The following NCKAP5 variants were observed in gnomAD, a reference collection of about 807,000 sequenced individuals.
The protein encoded by NCKAP5 is nck-associated protein 5.
Under a neutral mutation model 167.0 loss-of-function variants are expected in NCKAP5, and 92 were observed. The observed-to-expected ratio is 0.55, with a 90% confidence interval of 0.47 to 0.66. NCKAP5 has a LOEUF of 0.66. NCKAP5 is among the 30% of genes least tolerant of loss of function. The pLI, the probability that NCKAP5 is intolerant of heterozygous loss-of-function variation, is 0.00. For missense variants in NCKAP5, 2,378 were observed against 2,315.0 expected (o/e 1.03, Z -0.56); for synonymous variants, 891 against 877.4 (o/e 1.02, Z -0.27).
At chr2:133,164,816 A>G (rs1255900538) in intron 5 of NCKAP5, among the ~76,000 whole-genome samples, 1 of 152,236 alleles carries the variant, frequency 6.6e-6, no homozygotes, top group Non-Finnish European at 1.5e-5. Flanking sequence ...AAATGAAATA[A>G]TGTGTTTTAG....
the NCKAP5 span, among the ~76,000 whole-genome samples, chr2:133,649,129 A>G: frequency 1.3e-5 from 2 of 151,752 alleles, no homozygotes; most frequent in African/African-American, 2.4e-5. Context: ...AACAAACTGG[A>G]TAACTTAGAA....
intron 7 of NCKAP5, among the ~76,000 whole-genome samples, chr2:132,981,458 T>C (rs1236723078): frequency 6.6e-6 from 1 of 152,204 alleles, no homozygotes; most frequent in African/African-American, 2.4e-5. Flanking sequence ...TGCATGCATG[T>C]GGCATGTGAC....
chr2:132,771,766 G>C (rs1175484041), intron 16 of NCKAP5, among the ~76,000 whole-genome samples: 1 of 150,506 alleles, frequency 6.6e-6, no homozygotes, highest in Non-Finnish European at 1.5e-5. Flanking sequence ...TCTGCCTCCC[G>C]GGTTCACACC....
At chr2:133,190,053 G>A (rs184201892) in intron 5 of NCKAP5, among the ~76,000 whole-genome samples, 60 of 152,258 alleles carry the variant, frequency 3.9e-4, no homozygotes, top group Admixed American at 7.2e-4. Flanking sequence ...ATCTCCTTAA[G>A]CTGGTAAGCA....
chr2:133,004,343 G>T (rs1320649559), intron 6 of NCKAP5, among the ~76,000 whole-genome samples: 1 of 152,128 alleles, frequency 6.6e-6, no homozygotes, highest in Non-Finnish European at 1.5e-5. Flanking sequence ...GAACCAGCCT[G>T]CAATATTTCA....
At chr2:133,625,702 C>T in the NCKAP5 span, among the ~76,000 whole-genome samples, 1 of 151,848 alleles carries the variant, frequency 6.6e-6, no homozygotes, top group Admixed American at 6.6e-5. Context: ...AACCCCGTCT[C>T]TACTAAAAAT....
intron 7 of NCKAP5, among the ~76,000 whole-genome samples, chr2:132,979,425 G>A (rs1291767821): frequency 6.6e-6 from 1 of 152,044 alleles, no homozygotes; most frequent in Non-Finnish European, 1.5e-5. Flanking sequence ...CCATGCCCTA[G>A]TCACTTTTCT....
At chr2:133,465,934 G>A (rs1172507335) in intron 3 of NCKAP5, among the ~76,000 whole-genome samples, 56 of 149,518 alleles carry the variant, frequency 3.7e-4, no homozygotes, top group African/African-American at 6.9e-4. Context: ...AGTAGGTTGC[G>A]AAAATTTTCT....
At position 132,732,168 on chromosome 2, in the gene NCKAP5, A is replaced by C. The variant is rs1184672065; in HGVS notation, c.5129-117T>G. The C allele has an allele frequency of 5.3e-6, 5 of 947,628 alleles. No homozygotes were observed. The African/African-American group carries it at 8.3e-5, about 16-fold the overall frequency. 58.7% of individuals were successfully genotyped at this position (947,628 alleles called of 1,614,324 possible). ...AGGAGACACCTAGAAGGGTGAATTTAAGAAAAAGAAAAATGTCACAAGGAC... is the reference window on the plus strand; with the variant it reads ...AGGAGACACCTAGAAGGGTGAATTTCAGAAAAAGAAAAATGTCACAAGGAC... On this transcript the variant is annotated intron_variant, in intron 16 of 19. Coordinates refer to ENST00000409261, the MANE Select transcript of NCKAP5 (RefSeq NM_207363.3).
At chr2:133,244,315 T>C (rs2087869838) in intron 4 of NCKAP5, among the ~76,000 whole-genome samples, 1 of 152,218 alleles carries the variant, frequency 6.6e-6, no homozygotes, top group African/African-American at 2.4e-5. Flanking sequence ...ATTTTGAGAT[T>C]TGCAAATGCA....
At chr2:132,938,492 C>T (rs1193196330) in intron 8 of NCKAP5, among the ~76,000 whole-genome samples, 2 of 152,192 alleles carry the variant, frequency 1.3e-5, no homozygotes, top group African/African-American at 4.8e-5. Flanking sequence ...GCCTGTCTGG[C>T]TACTGGCTGG....
chr2:132,782,791 C>G lies in NCKAP5; in HGVS notation c.4020G>C (p.Arg1340Ser). The change falls in exon 14 of 20, where the codon AGG becomes AGC. Residue 1340 changes from arginine (R) to serine (S), a missense_variant. This residue lies in a region of NCKAP5 where 1,325 missense variants were observed against 1,274.5 expected (regional missense o/e 1.04). Transcript: ENST00000409261. Reference sequence around the variant, plus strand: ...TCCCGGAGGAGGGGTGCCCCGAGGGCCTCCCAACACTGGGGAGACTCTCCA... The same window carrying G: ...TCCCGGAGGAGGGGTGCCCCGAGGGGCTCCCAACACTGGGGAGACTCTCCA... ...PMLESLPSVG[R>S]PSGHPSSGKG... 6.2e-7 allele frequency: 1 copy of G among 1,613,826 alleles called. No individual in the cohort carries two copies. Among genetic ancestry groups the G allele is most frequent in the Non-Finnish European group, 8.5e-7 (1 of 1,179,788 alleles).
At chr2:133,591,149 G>A in the NCKAP5 span, among the ~76,000 whole-genome samples, 1 of 152,124 alleles carries the variant, frequency 6.6e-6, no homozygotes, top group Non-Finnish European at 1.5e-5. Flanking sequence ...AGAGGGAAGG[G>A]ACTTCCTACC....
At chr2:133,436,802 C>T (rs1191992265) in intron 3 of NCKAP5, among the ~76,000 whole-genome samples, 1 of 152,132 alleles carries the variant, frequency 6.6e-6, no homozygotes, top group Admixed American at 6.5e-5. Context: ...TGTATGTTAA[C>T]ATGGGTGCCT....
the NCKAP5 span, among the ~76,000 whole-genome samples, chr2:133,673,340 C>T: frequency 6.6e-6 from 1 of 152,204 alleles, no homozygotes; most frequent in African/African-American, 2.4e-5. Context: ...ACAGGCAGCA[C>T]ACCACATATA....
chr2:133,137,420 G>C (rs2082832164), intron 5 of NCKAP5, among the ~76,000 whole-genome samples: 1 of 126,574 alleles, frequency 7.9e-6, no homozygotes, highest in South Asian at 2.4e-4. Context: ...GTGTGTGTGT[G>C]TGTGTGTGTG....
At chr2:133,077,387 A>G (rs10496697) in intron 6 of NCKAP5, among the ~76,000 whole-genome samples, 9,079 of 152,252 alleles carry the variant, frequency 0.06, 618 homozygotes, top group African/African-American at 0.17. Context: ...GCTGAGCCTT[A>G]CTTCTTCATG....
chr2:132,908,114 T>G (rs1694151688), intron 8 of NCKAP5, among the ~76,000 whole-genome samples: 1 of 152,228 alleles, frequency 6.6e-6, no homozygotes, highest in Non-Finnish European at 1.5e-5. Flanking sequence ...GATTTTCATT[T>G]CTGTAACCTT....
intron 7 of NCKAP5, among the ~76,000 whole-genome samples, chr2:132,991,676 A>T (rs775032967): frequency 1.3e-5 from 2 of 152,202 alleles, no homozygotes; most frequent in Non-Finnish European, 2.9e-5. Flanking sequence ...CTGCTACCGC[A>T]GTGGAAAATG....
Sources: gnomAD v4.1 joint callset for allele counts (sites outside exome capture counted in the v4.1 genomes callset) on GRCh38, gnomAD v4.1.1 for gene constraint, gnomAD v4.1.1 regional missense constraint, MANE v1.5 for transcripts, NCBI Gene and HGNC (gene_info 2026-07-23, HGNC 2026-07-21) for gene names.